MYH16: variants seen among roughly 807,000 people sequenced by gnomAD.
MYH16 encodes putative uncharacterized protein MYH16.
intron 28 of MYH16, 56 bp from the exon 10 acceptor site, chr7:99,287,836 A>G (rs944803518): frequency 1.2e-5 from 5 of 432,716 alleles, no homozygotes; most frequent in Non-Finnish European, 2.4e-5. Flanking sequence ...GGCGGTGTCC[A>G]CCCGGAAAAG....
At position 99,297,805 on chromosome 7, in the gene MYH16, G is replaced by C. The variant is rs1202204908; in HGVS notation, n.4636+9G>C. ...CTGAGTCTTCCCTGGAGGTAACCAT[G>C]GGGTCATCACCTTGGGGACTGTGGA... On this transcript the variant is annotated intron_variant and non_coding_transcript_variant, in intron 35 of 41. Transcript: ENST00000439784. 2.2e-6 allele frequency: 1 copy of C among 456,594 alleles called. No homozygotes were observed. The highest frequency in any genetic ancestry group is 4.4e-6 in the Non-Finnish European group (1 of 226,966). 28.3% of individuals were successfully genotyped at this position (456,594 alleles called of 1,614,324 possible). A position where few individuals can be genotyped will look rare whatever the true frequency, so the allele number is the denominator to read the frequency against.
At position 99,251,186 on chromosome 7, in the gene MYH16, C is replaced by T. The variant is rs115218788; in HGVS notation, n.729C>T. The T allele has an allele frequency of 5.0e-3, 1,085 of 216,336 alleles. 15 individuals are homozygous for T. The highest frequency in any genetic ancestry group is 0.023 in the African/African-American group (1,012 of 43,432). 13.4% of individuals were successfully genotyped at this position (216,336 alleles called of 1,614,324 possible). On this transcript the variant is annotated splice_region_variant and non_coding_transcript_exon_variant, in exon 6 of 42. Transcript: ENST00000439784. Reference sequence around the variant, plus strand: ...CCAGGAACAACAACTCCTCTCGCTTCGTAAGTGTGGGGACCACATGAGAGG... The same window carrying T: ...CCAGGAACAACAACTCCTCTCGCTTTGTAAGTGTGGGGACCACATGAGAGG...
chr7:99,251,791 G>A (rs1019095565), intron 6 of MYH16, among the ~76,000 whole-genome samples: 5 of 152,028 alleles, frequency 3.3e-5, no homozygotes, highest in African/African-American at 7.2e-5. Flanking sequence ...GCAACAGAGC[G>A]AGACCACCCG....
intron 19 of MYH16, among the ~76,000 whole-genome samples, chr7:99,271,453 G>A (rs745867413): frequency 2.0e-5 from 3 of 152,166 alleles, no homozygotes; most frequent in Non-Finnish European, 2.9e-5. Context: ...AGGTTGCAGT[G>A]AGCTGAGATC....
chr7:99,249,572 G>GT lies in MYH16; in HGVS notation n.540-382dup, dbSNP rs1195632373. Among the ~76,000 whole-genome samples the GT allele has an allele frequency of 5.1e-3, 601 of 116,736 alleles. 5 individuals carry two copies. The highest frequency in any genetic ancestry group is 0.012 in the African/African-American group (324 of 26,656). The allele number at this position is 116,736 out of a possible 152,430, so 76.6% of individuals were successfully genotyped here. A position where few individuals can be genotyped will look rare whatever the true frequency, so the allele number is the denominator to read the frequency against. ...AAAAAAAAAAGAAAAGAAAAGTGCT[G>GT]TTTTTTTTTTTTTTTTTTTTTTTTT... On this transcript the variant is annotated intron_variant and non_coding_transcript_variant, in intron 4 of 41. Transcript: ENST00000439784.
At chr7:99,276,776 TGA>T (rs150051625) in intron 20 of MYH16, among the ~76,000 whole-genome samples, 24 of 147,338 alleles carry the variant, frequency 1.6e-4, no homozygotes, top group African/African-American at 5.7e-4. Flanking sequence ...ATGAAAGGAG[TGA>T]GAGAGAGAGA....
At chr7:99,251,801 G>A (rs984937730) in intron 6 of MYH16, among the ~76,000 whole-genome samples, 16 of 151,868 alleles carry the variant, frequency 1.1e-4, no homozygotes, top group African/African-American at 3.1e-4. Flanking sequence ...GAGACCACCC[G>A]CCATCTCTAT....
At chr7:99,294,517 A>AG (rs1792445039) in intron 33 of MYH16, among the ~76,000 whole-genome samples, 2 of 135,084 alleles carry the variant, frequency 1.5e-5, no homozygotes, top group African/African-American at 6.5e-5. Context: ...AAAAAAAAAA[A>AG]AAAAAAAGAA....
chr7:99,304,063 C>G (rs779761012), intron 39 of MYH16, among the ~76,000 whole-genome samples: 3 of 152,190 alleles, frequency 2.0e-5, no homozygotes, highest in African/African-American at 7.2e-5. Flanking sequence ...CATCAGGCTC[C>G]TCTCACTTGA....
At chr7:99,251,529 T>C (rs941111422) in intron 6 of MYH16, among the ~76,000 whole-genome samples, 5 of 152,216 alleles carry the variant, frequency 3.3e-5, no homozygotes, top group Non-Finnish European at 7.3e-5. Context: ...AATTTTTCAA[T>C]TGTGCGAAAA....
chr7:99,250,464 G>A (rs1462225649), intron 5 of MYH16, among the ~76,000 whole-genome samples: 1 of 152,228 alleles, frequency 6.6e-6, no homozygotes, highest in East Asian at 1.9e-4. Flanking sequence ...ACAGCGGCCA[G>A]GCGCAGTGGC....
At chr7:99,263,197 G>T (rs1791954219) in intron 13 of MYH16, 1 of 152,352 alleles carries the variant, frequency 6.6e-6, no homozygotes, top group Non-Finnish European at 1.5e-5. Flanking sequence ...GACAAGAACT[G>T]GAGCCCCAGG....
chr7:99,287,901 A>G (rs1338615872), exon 29 of MYH16: 1 of 455,608 alleles, frequency 2.2e-6, no homozygotes, highest in Non-Finnish European at 4.4e-6. Context: ...GATCGAGCAG[A>G]ACCGCAAGCG....
intron 2 of MYH16, among the ~76,000 whole-genome samples, chr7:99,244,495 C>A (rs1489312300): frequency 3.3e-5 from 5 of 152,194 alleles, no homozygotes; most frequent in African/African-American, 4.8e-5. Context: ...AGAGGCTTAT[C>A]TGGTAGGAAT....
intron 19 of MYH16, among the ~76,000 whole-genome samples, chr7:99,272,216 C>T (rs894800946): frequency 3.9e-5 from 6 of 152,136 alleles, no homozygotes; most frequent in Non-Finnish European, 5.9e-5. Flanking sequence ...TTTATAGTTT[C>T]AAGTCATGTC....
intron 25 of MYH16, 70 bp from the exon 8 acceptor site, chr7:99,284,775 G>A (rs1051145191): frequency 1.1e-4 from 49 of 451,078 alleles, no homozygotes; most frequent in African/African-American, 8.2e-4. Flanking sequence ...CAGCCCAGGC[G>A]ACATTCCCTC....
intron 30 of MYH16, 121 bp downstream of exon 11, chr7:99,289,525 G>A (rs1380085628): frequency 1.1e-5 from 2 of 178,090 alleles, no homozygotes; most frequent in African/African-American, 2.4e-5. Context: ...GTGATGAGAG[G>A]AGGAGATTTT....
intron 38 of MYH16, among the ~76,000 whole-genome samples, chr7:99,302,645 C>G (rs1792618371): frequency 6.6e-6 from 1 of 152,026 alleles, no homozygotes; most frequent in Non-Finnish European, 1.5e-5. Context: ...CTATGGGAGG[C>G]AGAGGTGGGA....
intron 33 of MYH16, among the ~76,000 whole-genome samples, chr7:99,294,801 A>G (rs1333467566): frequency 6.6e-6 from 1 of 151,968 alleles, no homozygotes; most frequent in East Asian, 1.9e-4. Flanking sequence ...CCTGACCTCA[A>G]GTGATCCACC....
Sources: allele counts gnomAD v4.1 joint callset (sites outside exome capture counted in the v4.1 genomes callset), GRCh38; gene constraint gnomAD v4.1.1; transcripts MANE v1.5; gene names NCBI Gene and HGNC (gene_info 2026-07-23, HGNC 2026-07-21).